STK39: variants seen among roughly 807,000 people sequenced by gnomAD.
The protein encoded by STK39 is serine/threonine kinase 39.
Under a neutral mutation model 77.8 loss-of-function variants are expected in STK39, and 20 were observed. That is an observed-to-expected ratio of 0.26 (90% confidence interval 0.18 to 0.37). The LOEUF (loss-of-function observed/expected upper bound fraction) is 0.37. Ranked by LOEUF, STK39 falls within the 10% of genes least tolerant of loss-of-function variation. The probability of loss-of-function intolerance (pLI) is 1.00; values close to 1 mark genes in which losing one functional copy is unlikely to be tolerated. For missense variants in STK39, 479 were observed against 656.5 expected, an observed-to-expected ratio of 0.73 and a Z score of 2.95; for synonymous variants, 246 against 234.1, an observed-to-expected ratio of 1.05 and a Z score of -0.47.
At chr2:168,114,820 C>T (rs184981531) in intron 10 of STK39, among the ~76,000 whole-genome samples, 5 of 152,096 alleles carry the variant, frequency 3.3e-5, no homozygotes, top group Admixed American at 2.6e-4. Context: ...ATGATGAAAA[C>T]GGCGTGGTCT....
chr2:168,064,046 TAC>T (rs1259205261), intron 13 of STK39, among the ~76,000 whole-genome samples: 1 of 152,176 alleles, frequency 6.6e-6, no homozygotes, highest in Non-Finnish European at 1.5e-5. Flanking sequence ...ATGTCTCCAA[TAC>T]ACAGCCTCTC....
chr2:168,150,186 T>G (rs1031575275), intron 5 of STK39, among the ~76,000 whole-genome samples: 1 of 152,202 alleles, frequency 6.6e-6, no homozygotes, highest in African/African-American at 2.4e-5. Context: ...AAGATCTCAA[T>G]GCACAGCCAA....
Position 168,017,059 on chromosome 2 carries a change from C to T in STK39, c.1413G>A (p.Glu471=), listed in dbSNP as rs202003302. The T allele has an allele frequency of 9.3e-6, 15 of 1,606,718 alleles. No individual in the cohort carries two copies. Among genetic ancestry groups the T allele is most frequent in the Admixed American group, 6.8e-5 (4 of 59,078 alleles). ...SRKELNDIRF[E]FTPGRDTADG... Reference sequence around the variant, plus strand: ...AAAACTTACCTCTTCCTGGAGTAAACTCAAATCGTATGTCATTAAGTTCCT... The same window carrying T: ...AAAACTTACCTCTTCCTGGAGTAAATTCAAATCGTATGTCATTAAGTTCCT... Residue 471 remains glutamate, a synonymous_variant, in exon 15 of 18, where the codon GAG becomes GAA. Transcript: ENST00000355999.
At chr2:168,107,879 C>T (rs1687019888) in intron 10 of STK39, among the ~76,000 whole-genome samples, 1 of 152,208 alleles carries the variant, frequency 6.6e-6, no homozygotes, top group South Asian at 2.1e-4. Flanking sequence ...TCAAGAATCA[C>T]TCACTTTATA....
In STK39 at chr2:167,972,450, CT is replaced by C. The variant is rs373317843; in HGVS notation, c.1499-7725del. Among the ~76,000 whole-genome samples the C allele has an allele frequency of 3.2e-3, 480 of 152,290 alleles. 2 individuals are homozygous for C. The highest frequency in any genetic ancestry group is 6.9e-3 in the Admixed American group (105 of 15,304). On this transcript the variant is annotated intron_variant, in intron 16 of 17. Coordinates refer to ENST00000355999, the MANE Select transcript of STK39 (RefSeq NM_013233.3). ...AACTGGTCAGTTAGGTTCTTGGGAG[CT>C]TGATCTTGTAACCATGTGGCCTTGC...
At chr2:167,999,734 T>C (rs1360520865) in intron 16 of STK39, among the ~76,000 whole-genome samples, 1 of 152,178 alleles carries the variant, frequency 6.6e-6, no homozygotes, top group Non-Finnish European at 1.5e-5. Context: ...AGTGCTGGGA[T>C]TACAGGCATG....
chr2:168,237,912 C>T (rs932626488), intron 1 of STK39, among the ~76,000 whole-genome samples: 9 of 152,140 alleles, frequency 5.9e-5, no homozygotes, highest in South Asian at 4.1e-4. Flanking sequence ...CCTTTGCTTT[C>T]TTGAGTCACC....
At chr2:168,107,642 T>C (rs1308938983) in intron 10 of STK39, among the ~76,000 whole-genome samples, 1 of 152,188 alleles carries the variant, frequency 6.6e-6, no homozygotes, top group African/African-American at 2.4e-5. Flanking sequence ...GACCACCCCA[T>C]AAATAGCCAG....
intron 1 of STK39, among the ~76,000 whole-genome samples, chr2:168,216,472 A>T (rs1369423031): frequency 1.3e-5 from 2 of 152,222 alleles, no homozygotes; most frequent in African/African-American, 4.8e-5. Context: ...ACAGAAACAG[A>T]AGCACGCCTG....
At chr2:168,222,278 C>G (rs1338972425) in intron 1 of STK39, among the ~76,000 whole-genome samples, 1 of 152,150 alleles carries the variant, frequency 6.6e-6, no homozygotes, top group Non-Finnish European at 1.5e-5. Flanking sequence ...AGCATTAATG[C>G]TAATAACTTT....
chr2:168,056,336 G>C (rs556812041), intron 14 of STK39, among the ~76,000 whole-genome samples: 1 of 152,110 alleles, frequency 6.6e-6, no homozygotes, highest in African/African-American at 2.4e-5. Flanking sequence ...GTGAGCTTCC[G>C]GGGGGAGGGG....
chr2:168,230,641 T>C (rs1468828942), intron 1 of STK39, among the ~76,000 whole-genome samples: 1 of 152,170 alleles, frequency 6.6e-6, no homozygotes, highest in African/African-American at 2.4e-5. Flanking sequence ...AGATAGCTGA[T>C]ACAGGGAATG....
intron 5 of STK39, among the ~76,000 whole-genome samples, chr2:168,156,690 G>C (rs972301731): frequency 2.0e-5 from 3 of 152,200 alleles, no homozygotes; most frequent in African/African-American, 7.2e-5. Context: ...GCAAAATGAG[G>C]CACAGAGAAG....
intron 5 of STK39, 145 bp downstream of exon 5, chr2:168,161,642 T>TGG (rs1688575544): frequency 1.6e-5 from 9 of 558,304 alleles, no homozygotes; most frequent in Non-Finnish European, 2.7e-5. Context: ...GAAAATATGT[T>TGG]ATCCTTCGGA....
chr2:168,035,112 T>C (rs1436892662), intron 14 of STK39, among the ~76,000 whole-genome samples: 1 of 152,198 alleles, frequency 6.6e-6, no homozygotes, highest in African/African-American at 2.4e-5. Context: ...GGGAACCTCC[T>C]GTATCCAGAA....
chr2:168,195,988 G>A (rs758066271), intron 1 of STK39, among the ~76,000 whole-genome samples: 18 of 152,334 alleles, frequency 1.2e-4, no homozygotes, highest in Admixed American at 3.3e-4. Flanking sequence ...TTGCACTCCA[G>A]CCTGGGCTAC....
intron 5 of STK39, among the ~76,000 whole-genome samples, chr2:168,155,230 G>T (rs568056263): frequency 6.6e-6 from 1 of 152,146 alleles, no homozygotes. Flanking sequence ...TTAAGCTGTT[G>T]CTCAAACAAC....
chr2:167,955,174 T>TCGGTGGTCGCCG lies in STK39; in HGVS notation c.*321_*322insCGGCGACCACCG. On this transcript the variant is annotated 3_prime_UTR_variant, in exon 18 of 18. Transcript: ENST00000355999. Reference sequence around the variant, plus strand: ...GACCACCTGAGTGTATTTCAGATTCTTTTCACTTAAGGGATATCCAAATTG... The same window carrying TCGGTGGTCGCCG: ...GACCACCTGAGTGTATTTCAGATTCTCGGTGGTCGCCGTTTCACTTAAGGGATATCCAAATTG... 5.4e-6 allele frequency: 1 copy of TCGGTGGTCGCCG among 185,982 alleles called. No individual in the cohort carries two copies. Among genetic ancestry groups the TCGGTGGTCGCCG allele is most frequent in the South Asian group, 1.5e-4 (1 of 6,688 alleles). 11.5% of individuals were successfully genotyped at this position (185,982 alleles called of 1,614,324 possible). A position where few individuals can be genotyped will look rare whatever the true frequency, so the allele number is the denominator to read the frequency against.
intron 14 of STK39, among the ~76,000 whole-genome samples, chr2:168,023,859 A>T (rs1684633570): frequency 6.6e-6 from 1 of 152,148 alleles, no homozygotes; most frequent in Non-Finnish European, 1.5e-5. Flanking sequence ...TGCCAGGGAT[A>T]GTGTTTCCCA....
Sources: gnomAD v4.1 joint callset for allele counts (sites outside exome capture counted in the v4.1 genomes callset) on GRCh38, gnomAD v4.1.1 for gene constraint, MANE v1.5 for transcripts, NCBI Gene and HGNC (gene_info 2026-07-23, HGNC 2026-07-21) for gene names.